The following TEAD4 variants were observed in gnomAD, a reference collection of about 807,000 sequenced individuals.
TEAD4 encodes TEA domain transcription factor 4.
Under a neutral mutation model 52.4 loss-of-function variants are expected in TEAD4, and 36 were observed. The ratio of observed to expected loss-of-function variants is 0.69; its 90% CI spans 0.53 to 0.91. The LOEUF (loss-of-function observed/expected upper bound fraction) is 0.91. Ranked by LOEUF, TEAD4 falls within the 40% of genes least tolerant of loss-of-function variation. TEAD4 has a pLI of 0.00. For missense variants in TEAD4, 508 were observed against 583.9 expected (o/e 0.87, Z 1.34); for synonymous variants, 220 against 231.0 (o/e 0.95, Z 0.43).
In TEAD4 at chr12:2,994,114, A is replaced by G. The variant is rs11613169; in HGVS notation, c.-29-624A>G. Among the ~76,000 whole-genome samples the G allele has an allele frequency of 0.19, 29,070 of 152,118 alleles. 3,451 individuals carry two copies. The highest frequency in any genetic ancestry group is 0.33 in the African/African-American group (13,715 of 41,466). On this transcript the variant is annotated intron_variant, in intron 2 of 12. Transcript: ENST00000359864. The surrounding 1 kb of genome is among the most constrained non-coding windows in gnomAD (Gnocchi z 4.7). ...TTGGGTCATATGGTCTTGCTCTGTC[A>G]CCCAGGCTGGAGTGTAGTGGCGGGA...
At chr12:3,025,135 G>A (rs1329427236) in intron 10 of TEAD4, among the ~76,000 whole-genome samples, 3 of 152,160 alleles carry the variant, frequency 2.0e-5, no homozygotes, top group African/African-American at 7.2e-5. Context: ...GTAGAGACAA[G>A]GTTTCACCGT....
chr12:2,976,956 TC>T (rs1277918413), intron 2 of TEAD4, among the ~76,000 whole-genome samples: 15 of 152,092 alleles, frequency 9.9e-5, no homozygotes, highest in Admixed American at 8.5e-4. Context: ...TTAATTTACC[TC>T]CCCTCTTGCT....
intron 2 of TEAD4, among the ~76,000 whole-genome samples, chr12:2,965,637 C>T (rs1374613825): frequency 6.6e-5 from 10 of 152,108 alleles, no homozygotes; most frequent in East Asian, 5.8e-4. Context: ...CTGCAAGCTC[C>T]GCCTCCCGGG....
At chr12:2,988,937 G>A (rs1478112421) in intron 2 of TEAD4, among the ~76,000 whole-genome samples, 4 of 152,172 alleles carry the variant, frequency 2.6e-5, no homozygotes, top group African/African-American at 9.7e-5. Flanking sequence ...TGCCCTATGC[G>A]TCTCTATCCT....
intron 9 of TEAD4, among the ~76,000 whole-genome samples, chr12:3,021,607 G>A (rs1462253159): frequency 3.3e-5 from 5 of 152,126 alleles, no homozygotes; most frequent in African/African-American, 9.7e-5. Flanking sequence ...CGCCGCACCC[G>A]GCTCAGACTT....
chr12:2,967,825 T>G (rs766378713), intron 2 of TEAD4, among the ~76,000 whole-genome samples: 1 of 152,220 alleles, frequency 6.6e-6, no homozygotes, highest in African/African-American at 2.4e-5. Flanking sequence ...GAAGTTATAC[T>G]GCAGTTGGAG....
intron 3 of TEAD4, among the ~76,000 whole-genome samples, chr12:3,001,534 G>A (rs1018511259): frequency 4.6e-5 from 7 of 152,346 alleles, no homozygotes; most frequent in Middle Eastern, 3.4e-3. Flanking sequence ...CACTTTGGGA[G>A]GCCGAGGCGG....
intron 2 of TEAD4, among the ~76,000 whole-genome samples, chr12:2,982,372 G>C (rs2098234758): frequency 6.6e-6 from 1 of 152,164 alleles, no homozygotes; most frequent in Non-Finnish European, 1.5e-5. Flanking sequence ...CAGAGTAGAG[G>C]CTCCTGGGCT....
intron 2 of TEAD4, among the ~76,000 whole-genome samples, chr12:2,980,471 G>A (rs1036736374): frequency 2.0e-5 from 3 of 152,236 alleles, no homozygotes; most frequent in Admixed American, 6.5e-5. Flanking sequence ...GGTGGCTTAC[G>A]CCTGTAATCC....
At chr12:3,002,303 A>G (rs969932087) in intron 3 of TEAD4, among the ~76,000 whole-genome samples, 3 of 152,190 alleles carry the variant, frequency 2.0e-5, no homozygotes, top group South Asian at 4.1e-4. Context: ...CTTTTTGACT[A>G]CTATGACTAA....
intron 2 of TEAD4, among the ~76,000 whole-genome samples, chr12:2,963,561 G>T (rs1366989123): frequency 6.6e-6 from 1 of 152,226 alleles, no homozygotes; most frequent in African/African-American, 2.4e-5. Context: ...GGAGGTGGGG[G>T]CAGGGCTTTG....
At position 3,018,585 on chromosome 12, in the gene TEAD4, A is replaced by T. The variant is rs774674986; in HGVS notation, c.524A>T (p.His175Leu). 12 of 1,613,896 alleles carry T rather than the reference A, an allele frequency of 7.4e-6. No individual in the cohort carries two copies. The African/African-American group carries it at 1.5e-4, about 20-fold the overall frequency. Residue 175 changes from histidine to leucine, a missense_variant, in exon 7 of 13, where the codon CAT (histidine) becomes CTT (leucine). Coordinates refer to ENST00000359864, the MANE Select transcript of TEAD4 (RefSeq NM_003213.4). ...TTGCCAGGCCAAGCCGGAACGTCCC[A>T]TGAGTGAGTATGGCCTCTGGTTTCT...
At chr12:3,033,028 T>G (rs113772524) in intron 10 of TEAD4, among the ~76,000 whole-genome samples, 1 of 152,268 alleles carries the variant, frequency 6.6e-6, no homozygotes, top group African/African-American at 2.4e-5. Flanking sequence ...GGAAAACTGC[T>G]CAGGCAAGGA....
chr12:2,997,811 G>C (rs1009905801), intron 3 of TEAD4, among the ~76,000 whole-genome samples: 6 of 150,946 alleles, frequency 4.0e-5, no homozygotes, highest in Non-Finnish European at 5.9e-5. Flanking sequence ...TTTTCGGGGG[G>C]GGGGTGTGTG....
At chr12:2,972,298 T>C (rs960705787) in intron 2 of TEAD4, among the ~76,000 whole-genome samples, 3 of 151,702 alleles carry the variant, frequency 2.0e-5, no homozygotes, top group Admixed American at 2.0e-4. Flanking sequence ...CCCAGGCTGG[T>C]CTCAAACTCC....
At chr12:3,035,096 G>A (rs577945494) in intron 10 of TEAD4, among the ~76,000 whole-genome samples, 3 of 130,604 alleles carry the variant, frequency 2.3e-5, no homozygotes, top group Admixed American at 8.8e-5. Context: ...GCGAGATTCC[G>A]TCTCAAAAAA....
chr12:2,989,115 G>C (rs917622909), intron 2 of TEAD4, among the ~76,000 whole-genome samples: 1 of 152,082 alleles, frequency 6.6e-6, no homozygotes, highest in East Asian at 1.9e-4. Flanking sequence ...GATTGGCATG[G>C]GAAGTCGGGA....
At chr12:2,990,666 A>G (rs944465835) in intron 2 of TEAD4, among the ~76,000 whole-genome samples, 5 of 151,906 alleles carry the variant, frequency 3.3e-5, no homozygotes, top group African/African-American at 9.7e-5. Flanking sequence ...AGGTTTTGCC[A>G]TGTTGGCCAG....
chr12:2,965,301 G>A (rs543440209), intron 2 of TEAD4, among the ~76,000 whole-genome samples: 1 of 151,728 alleles, frequency 6.6e-6, no homozygotes, highest in East Asian at 1.9e-4. Context: ...GGGACTACAG[G>A]TATACGCCAC....
Sources: gnomAD v4.1 joint callset for allele counts (sites outside exome capture counted in the v4.1 genomes callset) on GRCh38, gnomAD v4.1.1 for gene constraint, Gnocchi (gnomAD v3.1) non-coding constraint, MANE v1.5 for transcripts, NCBI Gene and HGNC (gene_info 2026-07-23, HGNC 2026-07-21) for gene names.